NCBP3: variants seen among roughly 807,000 people sequenced by gnomAD.
The protein encoded by NCBP3 is nuclear cap-binding protein subunit 3.
NCBP3 carries 20 observed loss-of-function variants against 75.7 expected under a neutral mutation model. The ratio of observed to expected loss-of-function variants is 0.26; its 90% CI spans 0.19 to 0.38. NCBP3 has a LOEUF of 0.38. Among genes scored for constraint, NCBP3 ranks in the 10% least tolerant of loss-of-function variants. NCBP3 has a pLI of 1.00. For missense variants in NCBP3, 678 were observed against 796.9 expected (o/e 0.85, Z 1.80); for synonymous variants, 293 against 290.5 (o/e 1.01, Z -0.09).
rs533153709 is a variant in NCBP3 at position 3,812,440 on chromosome 17, A to G, written c.*604T>C. ...CAGCACGTAAGAGGCCCATGCCATG[A>G]GCAATCCCCGAGGGAAGAACGGAAG... On this transcript the variant is annotated 3_prime_UTR_variant, in exon 13 of 13. Coordinates refer to ENST00000389005, the MANE Select transcript of NCBP3 (RefSeq NM_001114118.3). The G allele has an allele frequency of 2.2e-6, 2 of 891,846 alleles. No homozygotes were observed. The highest frequency in any genetic ancestry group is 1.2e-4 in the Admixed American group (2 of 16,366). The allele number at this position is 891,846 out of a possible 1,614,324, so 55.2% of individuals were successfully genotyped here. A position where few individuals can be genotyped will look rare whatever the true frequency, so the allele number is the denominator to read the frequency against.
intron 3 of NCBP3, among the ~76,000 whole-genome samples, chr17:3,837,687 T>C (rs1432430399): frequency 2.0e-5 from 3 of 150,388 alleles, no homozygotes; most frequent in Admixed American, 6.6e-5. Context: ...TGAGCCGAGA[T>C]TGCGCCACTG....
At chr17:3,835,335 C>CAG (rs1767084548) in intron 3 of NCBP3, among the ~76,000 whole-genome samples, 1 of 152,198 alleles carries the variant, frequency 6.6e-6, no homozygotes, top group Non-Finnish European at 1.5e-5. Flanking sequence ...ATGGCTGAGA[C>CAG]AGAGACAACG....
At chr17:3,829,024 C>T (rs1281338772) in intron 4 of NCBP3, among the ~76,000 whole-genome samples, 1 of 152,138 alleles carries the variant, frequency 6.6e-6, no homozygotes, top group East Asian at 1.9e-4. Flanking sequence ...CCCTGGCCAC[C>T]ACCTCTCAGC....
chr17:3,845,564 G>C (rs917548546), intron 1 of NCBP3, among the ~76,000 whole-genome samples: 1 of 152,178 alleles, frequency 6.6e-6, no homozygotes, highest in Middle Eastern at 3.2e-3. Flanking sequence ...CTGCTGACAA[G>C]TGCAGCCCTC....
intron 8 of NCBP3, 101 bp from the exon 9 acceptor site, chr17:3,821,453 CAAT>C: frequency 2.2e-6 from 2 of 890,688 alleles, no homozygotes; most frequent in Non-Finnish European, 3.5e-6. Context: ...GATGGAGTCT[CAAT>C]CTCTCTCCCA....
intron 3 of NCBP3, among the ~76,000 whole-genome samples, chr17:3,832,416 A>G (rs551696602): frequency 0.019 from 2,270 of 117,814 alleles, 147 homozygotes; most frequent in African/African-American, 0.055. Context: ...GGCAGATCAC[A>G]AGGTCAGATC....
chr17:3,817,539 G>A (rs1258585496), intron 10 of NCBP3, among the ~76,000 whole-genome samples: 4 of 152,144 alleles, frequency 2.6e-5, no homozygotes, highest in Non-Finnish European at 5.9e-5. Context: ...TGAGGCAGGA[G>A]AATGGCGTGA....
At chr17:3,841,069 C>T (rs2054055382) in intron 2 of NCBP3, among the ~76,000 whole-genome samples, 3 of 152,140 alleles carry the variant, frequency 2.0e-5, no homozygotes, top group South Asian at 2.1e-4. Flanking sequence ...CTCCGCCTCC[C>T]GGGTTCAAGA....
chr17:3,815,966 T>C (rs900768610), intron 11 of NCBP3, 150 bp downstream of exon 11: 56 of 619,978 alleles, frequency 9.0e-5, no homozygotes, highest in African/African-American at 8.8e-4. Flanking sequence ...ATTTCCTCAA[T>C]TTCCAACACC....
chr17:3,817,645 C>T (rs990407707), intron 10 of NCBP3, among the ~76,000 whole-genome samples: 2 of 151,880 alleles, frequency 1.3e-5, no homozygotes, highest in Non-Finnish European at 2.9e-5. Flanking sequence ...AAAATAAAAA[C>T]ACACAAAAAA....
chr17:3,832,233 G>A lies in NCBP3; in HGVS notation c.356-2865C>T, dbSNP rs115998739. Among the ~76,000 whole-genome samples the A allele has an allele frequency of 5.4e-3, 615 of 114,750 alleles. 51 individuals are homozygous for A. The highest frequency in any genetic ancestry group is 0.016 in the African/African-American group (595 of 38,278). The allele number at this position is 114,750 out of a possible 152,430, so 75.3% of individuals were successfully genotyped here. ...ATGGATACCCCATTCTCCATGATGC[G>A]CTTATTTCATGTCACATGCCTGTAT... On this transcript the variant is annotated intron_variant, in intron 3 of 12. Transcript: ENST00000389005.
rs1053173156 is a variant in NCBP3, at chr17:3,809,441, C to T, written c.*3603G>A. 1 of 152,258 alleles carries T rather than the reference C, an allele frequency of 6.6e-6. No homozygotes were observed. Among genetic ancestry groups the T allele is most frequent in the African/African-American group, 2.4e-5 (1 of 41,452 alleles). 9.4% of individuals were successfully genotyped at this position (152,258 alleles called of 1,614,324 possible). On this transcript the variant is annotated 3_prime_UTR_variant, in exon 13 of 13. Transcript: ENST00000389005. ...AAAAGTAGGGCCAGGTGCAGTGGCT[C>T]ACACCTGTAATCCCAGAACTTTGGG...
Position 3,831,773 on chromosome 17 carries a change from T to G in NCBP3, c.356-2405A>C, listed in dbSNP as rs1183172208. 5.8e-5 allele frequency among the ~76,000 whole-genome samples: 7 copies of G among 119,796 alleles called. 3 individuals carry two copies. Among genetic ancestry groups the G allele is most frequent in the Non-Finnish European group, 1.0e-4 (5 of 49,714 alleles). 78.6% of individuals were successfully genotyped at this position (119,796 alleles called of 152,430 possible). A position where few individuals can be genotyped will look rare whatever the true frequency, so the allele number is the denominator to read the frequency against. ...GGTGGTTCATGGGTCCATAAGAAAATAGAAAGAACAAGATCTACTGTTTAA... is the reference window on the plus strand; with the variant it reads ...GGTGGTTCATGGGTCCATAAGAAAAGAGAAAGAACAAGATCTACTGTTTAA... On this transcript the variant is annotated intron_variant, in intron 3 of 12. Coordinates refer to ENST00000389005, the MANE Select transcript of NCBP3 (RefSeq NM_001114118.3).
chr17:3,843,102 A>G lies in NCBP3; in HGVS notation c.233T>C (p.Ile78Thr), dbSNP rs1394993033. ...ENKAGSFITGIDVTSKEAIEK... is the reference protein window; with the variant it reads ...ENKAGSFITGTDVTSKEAIEK... ...CTGTCTTACCTTGGAGGTGACATCAATTCCAGTGATGAAGCTGCCAGCCTT... is the reference window on the plus strand; with the variant it reads ...CTGTCTTACCTTGGAGGTGACATCAGTTCCAGTGATGAAGCTGCCAGCCTT... Residue 78 changes from isoleucine (I) to threonine (T), a missense_variant, in exon 2 of 13, where the codon ATT becomes ACT. Ile to Thr is a moderately conservative substitution (Grantham distance 89). Transcript: ENST00000389005. 3.9e-6 allele frequency: 6 copies of G among 1,551,122 alleles called. No homozygotes were observed. The highest frequency in any genetic ancestry group is 1.2e-5 in the South Asian group (1 of 84,054).
rs1368261309 is a variant in NCBP3, at chr17:3,802,374, TC to T, written c.*10669del. 6.6e-6 allele frequency: 1 copy of T among 152,142 alleles called. No homozygotes were observed. The highest frequency in any genetic ancestry group is 2.4e-5 in the African/African-American group (1 of 41,436). 9.4% of individuals were successfully genotyped at this position (152,142 alleles called of 1,614,324 possible). On this transcript the variant is annotated 3_prime_UTR_variant, in exon 13 of 13. Transcript: ENST00000389005. ...CTGCTTGGCTAAGGTTCTGTGAAGA[TC>T]CGATGACATTTCCAACACTTTGCCT...
Position 3,812,412 on chromosome 17 carries a change from T to C in NCBP3, c.*632A>G. ...ACTGAACTTGATCTTCACATCAAGCTGACAGCACGTAAGAGGCCCATGCCA... is the reference window on the plus strand; with the variant it reads ...ACTGAACTTGATCTTCACATCAAGCCGACAGCACGTAAGAGGCCCATGCCA... On this transcript the variant is annotated 3_prime_UTR_variant, in exon 13 of 13. Transcript: ENST00000389005. 1.6e-6 allele frequency: 1 copy of C among 642,006 alleles called. No individual in the cohort carries two copies. Among genetic ancestry groups the C allele is most frequent in the Non-Finnish European group, 1.9e-6 (1 of 515,646 alleles). The allele number at this position is 642,006 out of a possible 1,614,324, so 39.8% of individuals were successfully genotyped here. A position where few individuals can be genotyped will look rare whatever the true frequency, so the allele number is the denominator to read the frequency against.
intron 8 of NCBP3, among the ~76,000 whole-genome samples, 199 bp downstream of exon 8, chr17:3,821,754 A>C (rs1213691263): frequency 6.6e-6 from 1 of 152,176 alleles, no homozygotes; most frequent in Non-Finnish European, 1.5e-5. Flanking sequence ...ACGTTGACAC[A>C]ATGTTAGGTA....
rs946339963 is a variant in NCBP3 at position 3,846,026 on chromosome 17, G to A, written c.183+15C>T. On this transcript the variant is annotated intron_variant, in intron 1 of 12. Transcript: ENST00000389005. The surrounding 1 kb of genome is among the most constrained non-coding windows in gnomAD (Gnocchi z 4.6). Reference sequence around the variant, plus strand: ...CCCCGCGACCTCTTCCTTACCCCCCGACCCCCGCCCGTACCGGGATCAGTT... The same window carrying A: ...CCCCGCGACCTCTTCCTTACCCCCCAACCCCCGCCCGTACCGGGATCAGTT... The A allele has an allele frequency of 3.2e-6, 5 of 1,539,334 alleles. No homozygotes were observed. In the South Asian group the frequency reaches 6.0e-5, roughly 18 times the overall value.
chr17:3,838,062 A>G (rs1483999522), intron 3 of NCBP3, among the ~76,000 whole-genome samples: 1 of 152,214 alleles, frequency 6.6e-6, no homozygotes, highest in Non-Finnish European at 1.5e-5. Flanking sequence ...CATTTTACAG[A>G]CAAGGAGACT....
Sources: gnomAD v4.1 joint callset for allele counts (sites outside exome capture counted in the v4.1 genomes callset) on GRCh38, gnomAD v4.1.1 for gene constraint, Gnocchi (gnomAD v3.1) non-coding constraint, MANE v1.5 for transcripts, NCBI Gene and HGNC (gene_info 2026-07-23, HGNC 2026-07-21) for gene names.